TRAPPC9: variants seen among roughly 807,000 people sequenced by gnomAD.
The protein encoded by TRAPPC9 is IKK2 binding protein.
TRAPPC9 carries 83 observed loss-of-function variants against 124.0 expected under a neutral mutation model. The ratio of observed to expected loss-of-function variants is 0.67; its 90% CI spans 0.56 to 0.80. The LOEUF is 0.80. TRAPPC9 is among the 30% of genes least tolerant of loss of function. TRAPPC9 has a pLI of 0.00. For synonymous variants in TRAPPC9, 638 were observed against 617.5 expected (o/e 1.03, Z -0.49); for missense variants, 1,302 against 1,508.3 (o/e 0.86, Z 2.27).
chr8:139,845,267 C>A (rs984332500), intron 21 of TRAPPC9, among the ~76,000 whole-genome samples: 1 of 152,154 alleles, frequency 6.6e-6, no homozygotes, highest in Non-Finnish European at 1.5e-5. Context: ...GGGAAAGGAG[C>A]TGCATGGGGT....
chr8:140,283,294 C>CTTTTTT (rs376320364), intron 14 of TRAPPC9, among the ~76,000 whole-genome samples: 4 of 97,228 alleles, frequency 4.1e-5, no homozygotes, highest in African/African-American at 4.3e-5. Flanking sequence ...ATTAAAATTC[C>CTTTTTT]TTTTTTTTTT....
chr8:140,277,543 GAAACA>G (rs1207898641), intron 14 of TRAPPC9, among the ~76,000 whole-genome samples: 6 of 152,228 alleles, frequency 3.9e-5, no homozygotes, highest in South Asian at 4.1e-4. Flanking sequence ...ACAGGATTTT[GAAACA>G]AAACAAAACA....
intron 18 of TRAPPC9, among the ~76,000 whole-genome samples, chr8:140,013,508 T>G (rs904852851): frequency 1.3e-5 from 2 of 152,212 alleles, no homozygotes; most frequent in Non-Finnish European, 2.9e-5. Context: ...CACTGACTAC[T>G]TACTTCACCT....
intron 21 of TRAPPC9, among the ~76,000 whole-genome samples, chr8:139,867,388 G>T (rs1249136180): frequency 6.6e-6 from 1 of 152,190 alleles, no homozygotes; most frequent in Non-Finnish European, 1.5e-5. Context: ...AATTGAAAAT[G>T]ATGAATCCAT....
chr8:140,121,251 G>A lies in TRAPPC9; in HGVS notation c.2557-97172C>T, dbSNP rs148449454. On this transcript the variant is annotated intron_variant, in intron 17 of 22. Coordinates refer to ENST00000438773, the MANE Select transcript of TRAPPC9 (RefSeq NM_001160372.4). ...GATTTTTAGGGAGAGAACACAGTGG[G>A]TGCAAAGGCCTGAGACAGAACAGTG... Among the ~76,000 whole-genome samples the A allele has an allele frequency of 3.1e-3, 470 of 152,330 alleles. 2 individuals are homozygous for A. Among genetic ancestry groups the A allele is most frequent in the African/African-American group, 0.011 (453 of 41,568 alleles).
At chr8:140,049,941 G>A (rs1164644088) in intron 17 of TRAPPC9, among the ~76,000 whole-genome samples, 1 of 152,224 alleles carries the variant, frequency 6.6e-6, no homozygotes, top group Non-Finnish European at 1.5e-5. Context: ...CCATTGAGCA[G>A]ATAGTGTGTA....
intron 18 of TRAPPC9, among the ~76,000 whole-genome samples, chr8:140,015,649 A>T (rs958656277): frequency 4.2e-4 from 10 of 24,072 alleles, no homozygotes; most frequent in African/African-American, 9.3e-4. Context: ...CAATAAAAAT[A>T]AAAAAAAAAT....
At chr8:139,822,773 G>A (rs1388387992) in intron 21 of TRAPPC9, among the ~76,000 whole-genome samples, 1 of 152,222 alleles carries the variant, frequency 6.6e-6, no homozygotes, top group Non-Finnish European at 1.5e-5. Context: ...GGGTAGGGTG[G>A]CAGTAGTGTA....
At chr8:140,136,897 A>T (rs1481813334) in intron 17 of TRAPPC9, among the ~76,000 whole-genome samples, 1 of 152,160 alleles carries the variant, frequency 6.6e-6, no homozygotes, top group Non-Finnish European at 1.5e-5. Context: ...AAGGGTGCTG[A>T]GGAAGGCCTG....
chr8:140,246,307 A>G (rs898110764), intron 16 of TRAPPC9, among the ~76,000 whole-genome samples: 6 of 152,188 alleles, frequency 3.9e-5, no homozygotes, highest in Admixed American at 6.5e-5. Context: ...CTCCACATCT[A>G]GAACTGGTTA....
intron 18 of TRAPPC9, among the ~76,000 whole-genome samples, chr8:140,020,610 A>G (rs1430798884): frequency 2.0e-5 from 3 of 152,112 alleles, no homozygotes; most frequent in African/African-American, 4.8e-5. Flanking sequence ...TGGACAATGG[A>G]GTGAGATTCT....
At chr8:139,989,682 G>C (rs1214741738) in intron 18 of TRAPPC9, among the ~76,000 whole-genome samples, 3 of 152,210 alleles carry the variant, frequency 2.0e-5, no homozygotes, top group African/African-American at 7.2e-5. Context: ...GACAGAGCAG[G>C]GTCGGAGGCG....
chr8:140,272,104 T>G (rs992478649), intron 15 of TRAPPC9, among the ~76,000 whole-genome samples: 13 of 88,546 alleles, frequency 1.5e-4, no homozygotes, highest in African/African-American at 2.2e-4. Flanking sequence ...ATGAGGTGAT[T>G]GTGGTGGTGG....
At chr8:140,011,599 G>A (rs1839130542) in intron 18 of TRAPPC9, among the ~76,000 whole-genome samples, 1 of 145,988 alleles carries the variant, frequency 6.8e-6, no homozygotes, top group African/African-American at 2.5e-5. Context: ...TGCCTCCCGG[G>A]TTCAAGTGAT....
intron 17 of TRAPPC9, among the ~76,000 whole-genome samples, chr8:140,157,167 CT>C (rs36162738): frequency 0.027 from 1,309 of 49,362 alleles, 130 homozygotes; most frequent in Middle Eastern, 0.041. Context: ...AGAAGCCTCC[CT>C]TTTCCATTCA....
Position 139,825,392 on chromosome 8 carries a change from A to T in TRAPPC9, c.3055+60487T>A, listed in dbSNP as rs1036542809. Among the ~76,000 whole-genome samples the T allele has an allele frequency of 6.6e-6, 1 of 152,166 alleles. No homozygotes were observed. The highest frequency in any genetic ancestry group is 1.5e-5 in the Non-Finnish European group (1 of 68,020). On this transcript the variant is annotated intron_variant, in intron 21 of 22. Coordinates refer to ENST00000438773, the MANE Select transcript of TRAPPC9 (RefSeq NM_001160372.4). The surrounding 1 kb of genome is among the most constrained non-coding windows in gnomAD (Gnocchi z 4.6). ...GTGAGGATGAAGGCCTGTCCATCCC[A>T]TGGCTGTGCAGGATAAGGAATGACG...
At chr8:140,229,342 A>C (rs2063535576) in intron 16 of TRAPPC9, among the ~76,000 whole-genome samples, 1 of 135,082 alleles carries the variant, frequency 7.4e-6, no homozygotes, top group Non-Finnish European at 1.5e-5. Flanking sequence ...GGCTCACTGC[A>C]ATCTCCACCT....
intron 16 of TRAPPC9, among the ~76,000 whole-genome samples, chr8:140,251,165 T>C (rs953598045): frequency 6.6e-6 from 1 of 152,196 alleles, no homozygotes; most frequent in Non-Finnish European, 1.5e-5. Context: ...ACGGTCACCA[T>C]TCCCTCACTG....
chr8:140,349,478 G>A (rs1217655601), intron 9 of TRAPPC9, among the ~76,000 whole-genome samples: 1 of 151,774 alleles, frequency 6.6e-6, no homozygotes, highest in Non-Finnish European at 1.5e-5. Flanking sequence ...AAGGGGGCGC[G>A]CGAGGGAAGG....
Sources: allele counts gnomAD v4.1 joint callset (sites outside exome capture counted in the v4.1 genomes callset), GRCh38; gene constraint gnomAD v4.1.1; non-coding constraint Gnocchi (gnomAD v3.1); transcripts MANE v1.5; gene names NCBI Gene and HGNC (gene_info 2026-07-23, HGNC 2026-07-21).